Variants in HAUS6 observed in about 807,000 individuals in gnomAD.
HAUS6 encodes HAUS augmin-like complex subunit 6.
Under a neutral mutation model 106.8 loss-of-function variants are expected in HAUS6, and 80 were observed. The ratio of observed to expected loss-of-function variants is 0.75; its 90% CI spans 0.63 to 0.90. The LOEUF is 0.90. HAUS6 is among the 40% of genes least tolerant of loss of function. The probability of loss-of-function intolerance (pLI) is 0.00; values close to 1 mark genes in which losing one functional copy is unlikely to be tolerated. For synonymous variants in HAUS6, 356 were observed against 379.1 expected (o/e 0.94, Z 0.71); for missense variants, 1,155 against 1,118.1 (o/e 1.03, Z -0.47).
intron 12 of HAUS6, 31 bp downstream of exon 12, chr9:19,070,188 G>A: frequency 8.1e-7 from 1 of 1,231,722 alleles, no homozygotes; most frequent in Non-Finnish European, 1.2e-6. Context: ...GTTTTTTAAT[G>A]TTTAACAAAA....
rs541082697 is a variant in HAUS6 at position 19,098,957 on chromosome 9, G to C, written c.129-2188C>G. 8.1e-3 allele frequency among the ~76,000 whole-genome samples: 1,201 copies of C among 147,820 alleles called. 17 individuals carry two copies. The highest frequency in any genetic ancestry group is 0.029 in the African/African-American group (1,144 of 39,798). ...GAATCGCTTGAACCTGGGAGGCGGA[G>C]GTTGCGGTGAGGTCATGCCATTGCA... On this transcript the variant is annotated intron_variant, in intron 1 of 16. Transcript: ENST00000380502.
chr9:19,093,455 C>G, intron 3 of HAUS6, 152 bp from the exon 4 acceptor site: 1 of 697,778 alleles, frequency 1.4e-6, no homozygotes, highest in Non-Finnish European at 2.5e-6. Flanking sequence ...GTGGGGTTCC[C>G]TAGGACCTCT....
intron 15 of HAUS6, 42 bp downstream of exon 15, chr9:19,060,046 G>A: frequency 6.6e-7 from 1 of 1,522,910 alleles, no homozygotes. Context: ...CAGTGGTTAT[G>A]TCGATGAAAG....
At position 19,062,295 on chromosome 9, in the gene HAUS6, G is replaced by C. The variant is rs549834298; in HGVS notation, c.1629+713C>G. ...TGATAATGATATGATATTGCAGTGT[G>C]TTCTAATATTCAAAAAAAAGAGGAA... On this transcript the variant is annotated intron_variant, in intron 14 of 16. Coordinates refer to ENST00000380502, the MANE Select transcript of HAUS6 (RefSeq NM_017645.5). Among the ~76,000 whole-genome samples, 85 of 152,230 alleles carry C rather than the reference G, an allele frequency of 5.6e-4. 1 individual carries two copies. The highest frequency in any genetic ancestry group is 2.7e-3 in the Admixed American group (41 of 15,292).
At chr9:19,101,748 C>T (rs1488511375) in intron 1 of HAUS6, among the ~76,000 whole-genome samples, 2 of 152,128 alleles carry the variant, frequency 1.3e-5, no homozygotes, top group Admixed American at 6.5e-5. Flanking sequence ...GGTGAAACCC[C>T]GTCTCTACTA....
Position 19,083,003 on chromosome 9 carries a change from A to C in HAUS6, c.740T>G (p.Phe247Cys), listed in dbSNP as rs781760880. 1 of 1,591,582 alleles carries C rather than the reference A, an allele frequency of 6.3e-7. No homozygotes were observed. The highest frequency in any genetic ancestry group is 1.2e-5 in the South Asian group (1 of 86,250). The stretch of plus-strand genomic sequence containing the variant: ...AACAACTTCTCTCTCTTTTTCCAAA[A>C]ACATGAGCGTTTCATTCACTGAAGC... ...LWASVNETLM[F>C]LEKEREVVSS... is the part of the protein sequence containing the mutation. The change falls in exon 8 of 17, where the codon TTT becomes TGT. Residue 247 changes from phenylalanine to cysteine, a missense_variant. By Grantham distance (205) the Phe-to-Cys change is radical (BLOSUM62 -2). Transcript: ENST00000380502.
At chr9:19,059,716 T>C (rs1836566501) in intron 15 of HAUS6, among the ~76,000 whole-genome samples, 1 of 152,204 alleles carries the variant, frequency 6.6e-6, no homozygotes, top group South Asian at 2.1e-4. Context: ...TTATGGCTGA[T>C]GCTTCTGGTT....
At chr9:19,068,437 A>G (rs1836813541) in intron 12 of HAUS6, among the ~76,000 whole-genome samples, 1 of 152,186 alleles carries the variant, frequency 6.6e-6, no homozygotes, top group Admixed American at 6.5e-5. Context: ...CATCAAATCC[A>G]GATAGACTAA....
rs147260103 is a variant in HAUS6, at chr9:19,096,066, C to T, written c.224+608G>A. Among the ~76,000 whole-genome samples, 1,001 of 151,970 alleles carry T rather than the reference C, an allele frequency of 6.6e-3. 7 individuals carry two copies. Among genetic ancestry groups the T allele is most frequent in the African/African-American group, 0.023 (961 of 41,434 alleles). ...TGATATCATTTAATTGTTTTGCTAACAATAATTTGCTTAATTATTAAGACC... is the reference window on the plus strand; with the variant it reads ...TGATATCATTTAATTGTTTTGCTAATAATAATTTGCTTAATTATTAAGACC... On this transcript the variant is annotated intron_variant, in intron 2 of 16. Transcript: ENST00000380502.
chr9:19,063,397 C>G, intron 13 of HAUS6, 117 bp downstream of exon 13: 1 of 663,476 alleles, frequency 1.5e-6, no homozygotes. Flanking sequence ...ACAAAATGTA[C>G]AAATAGTAGA....
intron 1 of HAUS6, among the ~76,000 whole-genome samples, chr9:19,102,131 A>C (rs1043502815): frequency 1.3e-5 from 2 of 152,186 alleles, no homozygotes; most frequent in African/African-American, 4.8e-5. Context: ...AAAATTAAAC[A>C]ACCACCTTCA....
Position 19,096,709 on chromosome 9 carries a change from T to C in HAUS6, c.189A>G (p.Gln63=). 1.9e-6 allele frequency: 3 copies of C among 1,555,208 alleles called. No individual in the cohort carries two copies. Among genetic ancestry groups the C allele is most frequent in the Non-Finnish European group, 2.6e-6 (3 of 1,143,304 alleles). The change falls in exon 2 of 17, where the codon CAA becomes CAG. Residue 63 remains glutamine (Q), a synonymous_variant. Transcript: ENST00000380502. ...AFHIISYFLF[Q]VLDQSLTKEV... is the part of the protein sequence containing the mutation. The stretch of plus-strand genomic sequence containing the variant: ...CTTTGGTGAGAGACTGGTCCAGAAC[T>C]TGAAACAAAAAATAAGAAATTATAT...
chr9:19,063,716 G>A (rs758001460), intron 12 of HAUS6, 136 bp from the exon 13 acceptor site: 1 of 780,752 alleles, frequency 1.3e-6, no homozygotes, highest in South Asian at 1.4e-5. Flanking sequence ...TCATCAAAAG[G>A]CAGTTTATTC....
intron 8 of HAUS6, among the ~76,000 whole-genome samples, chr9:19,081,094 A>G (rs980578410): frequency 2.7e-5 from 4 of 146,718 alleles, no homozygotes; most frequent in Admixed American, 1.3e-4. Context: ...CAAAAAAAAA[A>G]GCGGGGGGAA....
Position 19,058,849 on chromosome 9 carries a change from G to A in HAUS6, c.1918C>T (p.Leu640Phe), listed in dbSNP as rs199833421. The part of the protein sequence containing the change: ...NQREFSMADF[L>F]LETTVSDFGQ... ...AAATCTGATACAGTGGTTTCTAAGA[G>A]AAAATCAGCCATGCTAAATTCTCTT... The change falls in exon 16 of 17, where the codon CTC (leucine) becomes TTC (phenylalanine). Residue 640 changes from leucine to phenylalanine, a missense_variant. Physicochemically the swap from Leu to Phe is conservative, Grantham distance 22 (BLOSUM62 0). Coordinates refer to ENST00000380502, the MANE Select transcript of HAUS6 (RefSeq NM_017645.5). 3 of 1,614,110 alleles carry A rather than the reference G, an allele frequency of 1.9e-6. No homozygotes were observed. Among genetic ancestry groups the A allele is most frequent in the East Asian group, 2.2e-5 (1 of 44,882 alleles).
intron 8 of HAUS6, among the ~76,000 whole-genome samples, chr9:19,082,107 T>C (rs1837164013): frequency 6.6e-6 from 1 of 151,924 alleles, no homozygotes; most frequent in African/African-American, 2.4e-5. Context: ...GGTAAGAAAA[T>C]ACAAATACAT....
intron 12 of HAUS6, chr9:19,063,894 T>G: frequency 2.2e-6 from 1 of 447,962 alleles, no homozygotes; most frequent in Non-Finnish European, 4.3e-6. Flanking sequence ...AAAAACAGAT[T>G]CAATTAACTA....
At chr9:19,097,931 C>A (rs1202731160) in intron 1 of HAUS6, among the ~76,000 whole-genome samples, 2 of 152,180 alleles carry the variant, frequency 1.3e-5, no homozygotes, top group Non-Finnish European at 2.9e-5. Context: ...TATTCTCTTG[C>A]GTAAGTTCCT....
At chr9:19,097,859 C>T (rs994186961) in intron 1 of HAUS6, among the ~76,000 whole-genome samples, 6 of 151,854 alleles carry the variant, frequency 4.0e-5, no homozygotes, top group Admixed American at 2.6e-4. Context: ...TTAACTTAAA[C>T]GGCAAAGCAT....
Sources: allele counts gnomAD v4.1 joint callset (sites outside exome capture counted in the v4.1 genomes callset), GRCh38; gene constraint gnomAD v4.1.1; transcripts MANE v1.5; gene names NCBI Gene and HGNC (gene_info 2026-07-23, HGNC 2026-07-21).